The following SLC14A2 variants were observed in gnomAD, a reference collection of about 807,000 sequenced individuals.
The protein encoded by SLC14A2 is urea transporter 2.
Under a neutral mutation model 104.6 loss-of-function variants are expected in SLC14A2, and 91 were observed. The observed-to-expected ratio is 0.87, with a 90% CI of 0.73 to 1.04. The LOEUF is 1.04. SLC14A2 is among the 50% of genes least tolerant of loss of function. The pLI, the probability that SLC14A2 is intolerant of heterozygous loss-of-function variation, is 0.00. For synonymous variants in SLC14A2, 476 were observed against 466.4 expected (o/e 1.02, Z -0.27); for missense variants, 1,189 against 1,156.0 (o/e 1.03, Z -0.41).
upstream of SLC14A2, among the ~76,000 whole-genome samples, chr18:45,613,997 T>C (rs1017406510): frequency 1.3e-5 from 2 of 152,210 alleles, no homozygotes; most frequent in East Asian, 1.9e-4. Flanking sequence ...CTCCAGGGCA[T>C]GTCAGAGAAC....
At chr18:45,304,241 T>C (rs2084995737) in intron 1 of SLC14A2, among the ~76,000 whole-genome samples, 1 of 152,224 alleles carries the variant, frequency 6.6e-6, no homozygotes, top group Non-Finnish European at 1.5e-5. Context: ...ATAAGGATTT[T>C]TCCACTAAAA....
chr18:45,454,726 AG>A (rs1174963916), intron 1 of SLC14A2, among the ~76,000 whole-genome samples: 3 of 152,196 alleles, frequency 2.0e-5, no homozygotes, highest in Non-Finnish European at 4.4e-5. Context: ...GCATATGGCT[AG>A]CCAGTTTTCC....
chr18:45,597,838 G>A (rs2044735675), intron 2 of SLC14A2, among the ~76,000 whole-genome samples: 1 of 152,180 alleles, frequency 6.6e-6, no homozygotes, highest in Non-Finnish European at 1.5e-5. Flanking sequence ...TAGCAGTAAA[G>A]ATGATGAAAA....
chr18:45,452,074 G>T (rs1322431814), intron 1 of SLC14A2, among the ~76,000 whole-genome samples: 3 of 151,852 alleles, frequency 2.0e-5, no homozygotes, highest in Non-Finnish European at 2.9e-5. Flanking sequence ...GGACAGCTGG[G>T]GGGATATCTG....
chr18:45,550,264 T>TG (rs1472362209), intron 2 of SLC14A2: 1 of 152,242 alleles, frequency 6.6e-6, no homozygotes, highest in Non-Finnish European at 1.5e-5. Context: ...CTTTCCAGGC[T>TG]GACCTCTCAG....
intron 1 of SLC14A2, among the ~76,000 whole-genome samples, chr18:45,431,800 G>A (rs966340796): frequency 2.6e-5 from 4 of 152,196 alleles, no homozygotes; most frequent in African/African-American, 9.7e-5. Flanking sequence ...CTTTGCAAGG[G>A]GCCCATGGTA....
chr18:45,326,824 T>C (rs1387197836), intron 1 of SLC14A2, among the ~76,000 whole-genome samples: 1 of 152,198 alleles, frequency 6.6e-6, no homozygotes, highest in Non-Finnish European at 1.5e-5. Flanking sequence ...GGAAGCCTCG[T>C]TGAAGCCTCA....
chr18:45,556,136 G>A (rs151211722), intron 2 of SLC14A2, among the ~76,000 whole-genome samples: 1 of 152,242 alleles, frequency 6.6e-6, no homozygotes, highest in Non-Finnish European at 1.5e-5. Flanking sequence ...GTGGTGAAAG[G>A]GGCAAAGACA....
chr18:45,220,703 T>C (rs376544012), intron 1 of SLC14A2, among the ~76,000 whole-genome samples: 77 of 152,278 alleles, frequency 5.1e-4, no homozygotes, highest in African/African-American at 1.8e-3. Context: ...ATGAACTAAT[T>C]TGAACCAAAA....
intron 1 of SLC14A2, among the ~76,000 whole-genome samples, chr18:45,312,846 C>A (rs530051197): frequency 2.0e-5 from 3 of 152,332 alleles, no homozygotes; most frequent in African/African-American, 7.2e-5. Flanking sequence ...CCCTCCCCAG[C>A]TTCGCATCCC....
At chr18:45,214,097 C>T (rs1011866026) in intron 1 of SLC14A2, among the ~76,000 whole-genome samples, 46 of 152,256 alleles carry the variant, frequency 3.0e-4, no homozygotes, top group African/African-American at 1.0e-3. Flanking sequence ...AGATTTGGCC[C>T]AAACTTCTGC....
At chr18:45,449,446 G>A (rs140952725) in intron 1 of SLC14A2, among the ~76,000 whole-genome samples, 2 of 152,190 alleles carry the variant, frequency 1.3e-5, no homozygotes, top group African/African-American at 4.8e-5. Context: ...GCATCCTTGG[G>A]TTACTCTGCC....
intron 16 of SLC14A2, among the ~76,000 whole-genome samples, chr18:45,670,862 A>G (rs1472191206): frequency 2.6e-5 from 4 of 152,058 alleles, no homozygotes; most frequent in African/African-American, 9.7e-5. Context: ...CGCTCTTGTC[A>G]TTGTTGCCCA....
chr18:45,318,303 T>C (rs1016948016), intron 1 of SLC14A2, among the ~76,000 whole-genome samples: 8 of 151,936 alleles, frequency 5.3e-5, no homozygotes, highest in Admixed American at 6.6e-5. Flanking sequence ...TTCCCTTCCA[T>C]GTGAGAGGAG....
intron 2 of SLC14A2, among the ~76,000 whole-genome samples, chr18:45,490,708 G>A (rs1274798491): frequency 6.6e-6 from 1 of 152,182 alleles, no homozygotes; most frequent in African/African-American, 2.4e-5. Flanking sequence ...CAATGCATGT[G>A]ACCTAAAAAG....
chr18:45,563,291 A>G (rs1471066528), intron 2 of SLC14A2, among the ~76,000 whole-genome samples: 2 of 152,180 alleles, frequency 1.3e-5, no homozygotes, highest in South Asian at 2.1e-4. Flanking sequence ...GCTGGCAGCC[A>G]CAGGCCAAAG....
At position 45,339,304 on chromosome 18, in the gene SLC14A2, A is replaced by C. The variant is rs550017411; in HGVS notation, c.-125+126113A>C. ...TATACTAGGACAAGACTGCCTGTAC[A>C]ACACTGCAAGCCAATTCCACATTCT... On this transcript the variant is annotated intron_variant, in intron 1 of 20. Coordinates refer to the SLC14A2 transcript ENST00000586448. Among the ~76,000 whole-genome samples, 8 of 152,300 alleles carry C rather than the reference A, an allele frequency of 5.3e-5. No individual in the cohort carries two copies. The South Asian group carries it at 1.7e-3, about 32-fold the overall frequency.
At chr18:45,435,091 C>T (rs1598809063) in intron 1 of SLC14A2, 1 of 152,126 alleles carries the variant, frequency 6.6e-6, no homozygotes, top group Non-Finnish European at 1.5e-5. Context: ...ATCCATTTGT[C>T]CCCTCCACCT....
At chr18:45,433,249 C>A (rs1445041015) in intron 1 of SLC14A2, among the ~76,000 whole-genome samples, 1 of 152,306 alleles carries the variant, frequency 6.6e-6, no homozygotes, top group East Asian at 1.9e-4. Context: ...ACCCCCTCAA[C>A]ATGCTGTTGT....
Sources: gnomAD v4.1 joint callset for allele counts (sites outside exome capture counted in the v4.1 genomes callset) on GRCh38, gnomAD v4.1.1 for gene constraint, MANE v1.5 for transcripts, NCBI Gene and HGNC (gene_info 2026-07-23, HGNC 2026-07-21) for gene names.